The following CDH18 variants were observed in gnomAD, a reference collection of about 807,000 sequenced individuals.
The protein encoded by CDH18 is cadherin-18.
Under a neutral mutation model 67.9 loss-of-function variants are expected in CDH18, and 31 were observed. The ratio of observed to expected loss-of-function variants is 0.46; its 90% CI spans 0.34 to 0.62. CDH18 has a LOEUF of 0.62. Ranked by LOEUF, CDH18 falls within the 20% of genes least tolerant of loss-of-function variation. The pLI, the probability that CDH18 is intolerant of heterozygous loss-of-function variation, is 0.01. For synonymous variants in CDH18, 362 were observed against 347.2 expected (o/e 1.04, Z -0.48); for missense variants, 890 against 975.5 (o/e 0.91, Z 1.17).
At chr5:19,619,772 T>C (rs1434741986) in intron 5 of CDH18, among the ~76,000 whole-genome samples, 1 of 152,208 alleles carries the variant, frequency 6.6e-6, no homozygotes, top group Non-Finnish European at 1.5e-5. Flanking sequence ...ACGGCTGCGG[T>C]TTAGCCAGGG....
At chr5:20,554,892 G>T (rs967088417) in intron 1 of CDH18, among the ~76,000 whole-genome samples, 5 of 152,180 alleles carry the variant, frequency 3.3e-5, no homozygotes, top group Admixed American at 2.6e-4. Context: ...CAATAGAGAA[G>T]CTTGAGATTA....
chr5:20,436,441 A>G (rs1486611997), intron 1 of CDH18, among the ~76,000 whole-genome samples: 1 of 151,892 alleles, frequency 6.6e-6, no homozygotes, highest in Non-Finnish European at 1.5e-5. Context: ...TATGTAACTT[A>G]CTTTCACTGT....
intron 1 of CDH18, among the ~76,000 whole-genome samples, chr5:20,342,608 A>T (rs1740369371): frequency 6.6e-6 from 1 of 152,192 alleles, no homozygotes; most frequent in African/African-American, 2.4e-5. Context: ...ATAAACAGCA[A>T]TCTGGAGAAT....
At chr5:20,424,949 G>C (rs1273276088) in intron 1 of CDH18, among the ~76,000 whole-genome samples, 1 of 150,316 alleles carries the variant, frequency 6.7e-6, no homozygotes, top group Non-Finnish European at 1.5e-5. Context: ...GTGTTCTCAG[G>C]ACACACAAAC....
chr5:20,308,882 T>A (rs1005086025), intron 1 of CDH18, among the ~76,000 whole-genome samples: 6 of 152,192 alleles, frequency 3.9e-5, no homozygotes, highest in Admixed American at 2.0e-4. Context: ...CATTTTGTTG[T>A]ATGTAAAACT....
intron 7 of CDH18, among the ~76,000 whole-genome samples, chr5:19,590,844 T>G (rs1258576713): frequency 6.6e-6 from 1 of 152,130 alleles, no homozygotes; most frequent in Non-Finnish European, 1.5e-5. Flanking sequence ...TAGTGTAGTC[T>G]ACATCAGATC....
At chr5:19,736,813 G>A (rs1387862928) in intron 4 of CDH18, among the ~76,000 whole-genome samples, 1 of 152,128 alleles carries the variant, frequency 6.6e-6, no homozygotes, top group Admixed American at 6.5e-5. Flanking sequence ...CACAGCAGGA[G>A]AAGATTTAAA....
In CDH18 at chr5:19,642,260, G is replaced by A. The variant is rs1280655125; in HGVS notation, c.644-29659C>T. Among the ~76,000 whole-genome samples the A allele has an allele frequency of 1.3e-5, 2 of 151,796 alleles. 1 individual carries two copies. The highest frequency in any genetic ancestry group is 4.2e-4 in the South Asian group (2 of 4,810). On this transcript the variant is annotated intron_variant, in intron 5 of 12. Coordinates refer to ENST00000382275, the MANE Select transcript of CDH18 (RefSeq NM_004934.5). Reference sequence around the variant, plus strand: ...CTGCAATGTCCATGCAACCCAAAGTGGTCTACAGATTCAATGTAATCCCCA... The same window carrying A: ...CTGCAATGTCCATGCAACCCAAAGTAGTCTACAGATTCAATGTAATCCCCA...
intron 2 of CDH18, among the ~76,000 whole-genome samples, chr5:20,199,629 A>T (rs948107438): frequency 1.3e-5 from 2 of 152,208 alleles, no homozygotes; most frequent in African/African-American, 2.4e-5. Context: ...AGAAGGCATG[A>T]CTGTGTTTTG....
chr5:20,128,533 T>C (rs1439695612), intron 2 of CDH18, among the ~76,000 whole-genome samples: 2 of 152,106 alleles, frequency 1.3e-5, no homozygotes, highest in Non-Finnish European at 2.9e-5. Context: ...GGCTACCATA[T>C]ATTGATGAAT....
At chr5:20,056,565 A>G (rs1741989377) in intron 2 of CDH18, among the ~76,000 whole-genome samples, 1 of 140,754 alleles carries the variant, frequency 7.1e-6, no homozygotes. Context: ...TAATTCTAAG[A>G]AGTTATATCA....
chr5:20,108,294 G>T (rs1368845005), intron 2 of CDH18, among the ~76,000 whole-genome samples: 1 of 151,898 alleles, frequency 6.6e-6, no homozygotes, highest in East Asian at 1.9e-4. Context: ...GTTTCACCAT[G>T]TTGGCCAAGA....
chr5:19,666,382 A>G (rs1330850906), intron 5 of CDH18, among the ~76,000 whole-genome samples: 6 of 151,566 alleles, frequency 4.0e-5, no homozygotes, highest in African/African-American at 1.5e-4. Context: ...TTTTGGGATT[A>G]CAGGCATACG....
chr5:19,491,117 G>A (rs545155351), intron 11 of CDH18, among the ~76,000 whole-genome samples: 27 of 152,228 alleles, frequency 1.8e-4, no homozygotes, highest in Non-Finnish European at 2.9e-4. Flanking sequence ...TTCTCTCAAG[G>A]TGCATCTGGA....
At chr5:19,550,252 T>G (rs1223938424) in intron 8 of CDH18, among the ~76,000 whole-genome samples, 3 of 152,164 alleles carry the variant, frequency 2.0e-5, no homozygotes, top group African/African-American at 7.2e-5. Flanking sequence ...ACTTTAGTAG[T>G]AAACTCTTTT....
intron 11 of CDH18, 48 bp from the exon 12 acceptor site, chr5:19,483,600 T>A: frequency 6.5e-7 from 1 of 1,527,842 alleles, no homozygotes; most frequent in Non-Finnish European, 8.8e-7. Context: ...AAGCCGCCAT[T>A]CAAGATTCAC....
At chr5:20,278,565 T>G (rs1745985099) in intron 1 of CDH18, among the ~76,000 whole-genome samples, 1 of 152,096 alleles carries the variant, frequency 6.6e-6, no homozygotes, top group Non-Finnish European at 1.5e-5. Flanking sequence ...AAAATATAAT[T>G]GAAGGTTAAC....
At chr5:20,409,602 A>G (rs1023415640) in intron 1 of CDH18, among the ~76,000 whole-genome samples, 3 of 151,746 alleles carry the variant, frequency 2.0e-5, no homozygotes, top group Non-Finnish European at 4.4e-5. Context: ...TTACATCTCA[A>G]CAAACAAGAA....
intron 11 of CDH18, among the ~76,000 whole-genome samples, chr5:19,485,308 T>A (rs992951660): frequency 3.3e-5 from 5 of 150,974 alleles, no homozygotes; most frequent in Non-Finnish European, 5.9e-5. Context: ...CAGGCTGGAG[T>A]GCAGTGGCGC....
Sources: gnomAD v4.1 joint callset for allele counts (sites outside exome capture counted in the v4.1 genomes callset) on GRCh38, gnomAD v4.1.1 for gene constraint, MANE v1.5 for transcripts, NCBI Gene and HGNC (gene_info 2026-07-23, HGNC 2026-07-21) for gene names.